NLGN2: variants seen among roughly 807,000 people sequenced by gnomAD.
NLGN2 encodes neuroligin-2.
Under a neutral mutation model 48.6 loss-of-function variants are expected in NLGN2, and 11 were observed. The ratio of observed to expected loss-of-function variants is 0.23; its 90% confidence interval spans 0.14 to 0.37. The LOEUF is 0.37. NLGN2 is among the 10% of genes least tolerant of loss of function. The pLI is 1.00. For synonymous variants in NLGN2, 548 were observed against 550.0 expected (o/e 1.00, Z 0.05); for missense variants, 801 against 1,225.2 (o/e 0.65, Z 5.17).
chr17:7,406,118 G>A (rs2150809227), upstream of NLGN2, among the ~76,000 whole-genome samples: 1 of 152,248 alleles, frequency 6.6e-6, no homozygotes, highest in South Asian at 2.1e-4. Flanking sequence ...TTTGGAGAGA[G>A]AGAAAGAAAT....
Position 7,408,210 on chromosome 17 carries a change from CGA to C in NLGN2, c.-44_-43del. On this transcript the variant is annotated 5_prime_UTR_variant, in exon 1 of 7. Coordinates refer to ENST00000302926, the MANE Select transcript of NLGN2 (RefSeq NM_020795.4). The surrounding 1 kb of genome is among the most constrained non-coding windows in gnomAD (Gnocchi z 7.5). ...CCTCTCCCCCCCTTCTCTCTCTCTC[CGA>C]GGGGGGGGGGTCCCAGGGAGGGAGG... The C allele has an allele frequency of 9.2e-6, 10 of 1,084,154 alleles. No homozygotes were observed. In the South Asian group the frequency reaches 9.7e-5, roughly 11 times the overall value. The allele number at this position is 1,084,154 out of a possible 1,614,324, so 67.2% of individuals were successfully genotyped here. A position where few individuals can be genotyped will look rare whatever the true frequency, so the allele number is the denominator to read the frequency against.
chr17:7,408,211 G>GC lies in NLGN2; in HGVS notation c.-45_-44insC. On this transcript the variant is annotated 5_prime_UTR_variant, in exon 1 of 7. Transcript: ENST00000302926. This position sits in a 1 kb window ranked among gnomAD's most constrained non-coding sequence, Gnocchi z 7.5. ...CTCTCCCCCCCTTCTCTCTCTCTCCGAGGGGGGGGGGTCCCAGGGAGGGAG... is the reference window on the plus strand; with the variant it reads ...CTCTCCCCCCCTTCTCTCTCTCTCCGCAGGGGGGGGGGTCCCAGGGAGGGAG... The GC allele has an allele frequency of 9.2e-7, 1 of 1,087,580 alleles. No individual in the cohort carries two copies. The allele number at this position is 1,087,580 out of a possible 1,614,324, so 67.4% of individuals were successfully genotyped here. A position where few individuals can be genotyped will look rare whatever the true frequency, so the allele number is the denominator to read the frequency against.
At chr17:7,416,536 G>A (rs1375600066) in intron 6 of NLGN2, among the ~76,000 whole-genome samples, 1 of 151,994 alleles carries the variant, frequency 6.6e-6, no homozygotes, top group African/African-American at 2.4e-5. Flanking sequence ...CTTACTTTTC[G>A]CTTTCTCTGG....
At chr17:7,415,435 G>A in intron 5 of NLGN2, 76 bp from the exon 6 acceptor site, 1 of 1,323,394 alleles carries the variant, frequency 7.6e-7, no homozygotes, top group Admixed American at 1.7e-5. Flanking sequence ...GGAAGCATCT[G>A]CGTGTGGGCT....
intron 1 of NLGN2, among the ~76,000 whole-genome samples, chr17:7,410,581 T>G (rs1344656482): frequency 6.6e-6 from 1 of 151,982 alleles, no homozygotes; most frequent in East Asian, 1.9e-4. Context: ...CAGGGCCCCC[T>G]CATGGGTGCT....
At chr17:7,406,421 C>T (rs1452961836), upstream of NLGN2, among the ~76,000 whole-genome samples, 2 of 152,002 alleles carry the variant, frequency 1.3e-5, no homozygotes, top group Admixed American at 6.5e-5. Flanking sequence ...CCCAGTCTGG[C>T]ACAGGAAAAG....
chr17:7,408,044 T>A lies in NLGN2; in HGVS notation c.-212T>A. The A allele has an allele frequency of 2.9e-6, 1 of 347,620 alleles. No individual in the cohort carries two copies. The highest frequency in any genetic ancestry group is 5.1e-6 in the Non-Finnish European group (1 of 194,804). 21.5% of individuals were successfully genotyped at this position (347,620 alleles called of 1,614,324 possible). On this transcript the variant is annotated 5_prime_UTR_variant, in exon 1 of 7. Transcript: ENST00000302926. This position sits in a 1 kb window ranked among gnomAD's most constrained non-coding sequence, Gnocchi z 7.5. ...CTGCCTTCACCTTCTCCCATTTCCT[T>A]CCCCTTCCCCACCCCGTGCCCCCTC...
chr17:7,411,575 C>T lies in NLGN2; in HGVS notation c.458-582C>T, dbSNP rs1452608799. Among the ~76,000 whole-genome samples, 5 of 152,186 alleles carry T rather than the reference C, an allele frequency of 3.3e-5. No homozygotes were observed. Among genetic ancestry groups the T allele is most frequent in the African/African-American group, 1.2e-4 (5 of 41,446 alleles). Reference sequence around the variant, plus strand: ...GCTGAGCTGTGGGGCAGGCTGCCCCCCAACCCTGTCCTGCTCGCTGCCCTG... The same window carrying T: ...GCTGAGCTGTGGGGCAGGCTGCCCCTCAACCCTGTCCTGCTCGCTGCCCTG... On this transcript the variant is annotated intron_variant, in intron 1 of 6. Transcript: ENST00000302926. This position sits in a 1 kb window ranked among gnomAD's most constrained non-coding sequence, Gnocchi z 4.5.
rs747224766 is a variant in NLGN2, at chr17:7,414,934, TGAG to T, written c.845-20_845-18del. On this transcript the variant is annotated intron_variant, in intron 4 of 6. Transcript: ENST00000302926. ...TCAGGCCGGTACTCACAGCCTGGCC[TGAG>T]GTCTGCCTGTCCCGCCAGGGCTGTT... 1 of 1,613,038 alleles carries T rather than the reference TGAG, an allele frequency of 6.2e-7. No individual in the cohort carries two copies. Among genetic ancestry groups the T allele is most frequent in the African/African-American group, 1.3e-5 (1 of 74,932 alleles).
chr17:7,412,179 C>T lies in NLGN2; in HGVS notation c.480C>T (p.Asp160=), dbSNP rs780238996. ...TAGGTCCGCTCACAAAAAAACGTGA[C>T]GAGGCGACGCTCAATCCGCCAGACA... is the stretch of plus-strand genomic sequence containing the variant. ...TEDGPLTKKR[D]EATLNPPDTD... The change falls in exon 2 of 7, where the codon GAC becomes GAT. Residue 160 remains aspartate (D), a synonymous_variant. Transcript: ENST00000302926. 1.9e-5 allele frequency: 31 copies of T among 1,601,790 alleles called. No individual in the cohort carries two copies. The highest frequency in any genetic ancestry group is 6.7e-5 in the Admixed American group (4 of 59,320).
rs753120334 is a variant in NLGN2 at position 7,414,432 on chromosome 17, A to G, written c.597A>G (p.Ser199=). 1 of 1,614,170 alleles carries G rather than the reference A, an allele frequency of 6.2e-7. No individual in the cohort carries two copies. Among genetic ancestry groups the G allele is most frequent in the Non-Finnish European group, 8.5e-7 (1 of 1,180,018 alleles). The change falls in exon 3 of 7, where the codon TCA becomes TCG. Residue 199 remains serine, a synonymous_variant. Coordinates refer to ENST00000302926, the MANE Select transcript of NLGN2 (RefSeq NM_020795.4). ...GGACCGGAAACATGTTCGATGGCTC[A>G]GTCCTGGCTGCCTATGGCAACGTCA... The part of the protein sequence containing the change: ...MEGTGNMFDG[S]VLAAYGNVIV...
rs1444430416 is a variant in NLGN2, at chr17:7,419,381, A to G, written c.*1582A>G. ...AAAAGAATGATGTCTGGAAGGGCTT[A>G]AGGGACACAGTGGACGAGGGGAGAG... On this transcript the variant is annotated 3_prime_UTR_variant, in exon 7 of 7. Coordinates refer to ENST00000302926, the MANE Select transcript of NLGN2 (RefSeq NM_020795.4). The G allele has an allele frequency of 6.5e-6, 1 of 152,708 alleles. No individual in the cohort carries two copies. The highest frequency in any genetic ancestry group is 1.5e-5 in the Non-Finnish European group (1 of 68,134). The allele number at this position is 152,708 out of a possible 1,614,324, so 9.5% of individuals were successfully genotyped here. A position where few individuals can be genotyped will look rare whatever the true frequency, so the allele number is the denominator to read the frequency against.
chr17:7,411,220 G>A lies in NLGN2; in HGVS notation c.458-937G>A, dbSNP rs932041242. Among the ~76,000 whole-genome samples, 1 of 152,224 alleles carries A rather than the reference G, an allele frequency of 6.6e-6. No homozygotes were observed. The highest frequency in any genetic ancestry group is 2.4e-5 in the African/African-American group (1 of 41,454). ...TATCTGTGGACTGAACCACCCGCTC[G>A]GCCGTTGGGGAAGGGGTGCTTTTTG... is the stretch of plus-strand genomic sequence containing the variant. On this transcript the variant is annotated intron_variant, in intron 1 of 6. Transcript: ENST00000302926. The surrounding 1 kb of genome is among the most constrained non-coding windows in gnomAD (Gnocchi z 4.5).
chr17:7,414,983 G>T lies in NLGN2; in HGVS notation c.872G>T (p.Ser291Ile). 6.2e-7 allele frequency: 1 copy of T among 1,612,438 alleles called. No homozygotes were observed. Among genetic ancestry groups the T allele is most frequent in the South Asian group, 1.1e-5 (1 of 91,086 alleles). ...EGLFQKAIAQ[S>I]GTAISSWSVN... Reference sequence around the variant, plus strand: ...CTGTTCCAGAAGGCCATCGCCCAGAGTGGCACCGCCATTTCCAGCTGGTCT... The same window carrying T: ...CTGTTCCAGAAGGCCATCGCCCAGATTGGCACCGCCATTTCCAGCTGGTCT... The change falls in exon 5 of 7, where the codon AGT becomes ATT. Residue 291 changes from serine to isoleucine, a missense_variant. Ser to Ile is a moderately radical substitution (Grantham distance 142). Around this residue, in one of 5 missense-constraint regions of NLGN2, gnomAD observed 303 missense variants for 600.1 expected, o/e 0.50. Transcript: ENST00000302926.
At chr17:7,410,506 C>T (rs1432384768) in intron 1 of NLGN2, among the ~76,000 whole-genome samples, 1 of 152,020 alleles carries the variant, frequency 6.6e-6, no homozygotes, top group African/African-American at 2.4e-5. Context: ...AGTCCTTCAC[C>T]TCAGCACCTC....
Position 7,413,325 on chromosome 17 carries a change from G to A in NLGN2, c.509-1019G>A, listed in dbSNP as rs1906974375. Among the ~76,000 whole-genome samples, 1 of 152,206 alleles carries A rather than the reference G, an allele frequency of 6.6e-6. No homozygotes were observed. Among genetic ancestry groups the A allele is most frequent in the Non-Finnish European group, 1.5e-5 (1 of 68,038 alleles). Reference sequence around the variant, plus strand: ...GGGATGTTTCTACCAGGATGAGGGAGGTGGGCAGAGATGCTGGGGACCAGC... The same window carrying A: ...GGGATGTTTCTACCAGGATGAGGGAAGTGGGCAGAGATGCTGGGGACCAGC... On this transcript the variant is annotated intron_variant, in intron 2 of 6. Coordinates refer to ENST00000302926, the MANE Select transcript of NLGN2 (RefSeq NM_020795.4). This position sits in a 1 kb window ranked among gnomAD's most constrained non-coding sequence, Gnocchi z 4.9.
intron 6 of NLGN2, 59 bp from the exon 7 acceptor site, chr17:7,416,867 C>T: frequency 6.3e-7 from 1 of 1,596,120 alleles, no homozygotes; most frequent in Middle Eastern, 1.7e-4. Context: ...CCACTGCCAT[C>T]CACCCTCCTT....
At position 7,417,765 on chromosome 17, in the gene NLGN2, C is replaced by CGCTA; in HGVS notation, c.2475_2478dup (p.Pro827AlafsTer172). Reference sequence around the variant, plus strand: ...CCCACCGCCACCAGCCACAACAACACGCTACCCCACCCCCACTCCACCACT... The same window carrying CGCTA: ...CCCACCGCCACCAGCCACAACAACACGCTAGCTACCCCACCCCCACTCCACCACT... On this transcript the variant is annotated frameshift_variant, in exon 7 of 7. Coordinates refer to ENST00000302926, the MANE Select transcript of NLGN2 (RefSeq NM_020795.4). LOFTEE classifies it high-confidence loss of function. 1 of 1,327,562 alleles carries CGCTA rather than the reference C, an allele frequency of 7.5e-7. No homozygotes were observed. Among genetic ancestry groups the CGCTA allele is most frequent in the Non-Finnish European group, 9.8e-7 (1 of 1,021,274 alleles). 82.2% of individuals were successfully genotyped at this position (1,327,562 alleles called of 1,614,324 possible). A position where few individuals can be genotyped will look rare whatever the true frequency, so the allele number is the denominator to read the frequency against.
rs576227536 is a variant in NLGN2 at position 7,411,256 on chromosome 17, A to T, written c.458-901A>T. 3.7e-4 allele frequency among the ~76,000 whole-genome samples: 57 copies of T among 152,126 alleles called. No homozygotes were observed. The highest frequency in any genetic ancestry group is 5.3e-4 in the Non-Finnish European group (36 of 68,000). On this transcript the variant is annotated intron_variant, in intron 1 of 6. Coordinates refer to ENST00000302926, the MANE Select transcript of NLGN2 (RefSeq NM_020795.4). This position sits in a 1 kb window ranked among gnomAD's most constrained non-coding sequence, Gnocchi z 4.5. ...AAGGGGTGCTTTTTGGCAGTGGAGCAGGGGCAGGGGAGGCAGCGGCTGGTG... is the reference window on the plus strand; with the variant it reads ...AAGGGGTGCTTTTTGGCAGTGGAGCTGGGGCAGGGGAGGCAGCGGCTGGTG...
Sources: allele counts gnomAD v4.1 joint callset (sites outside exome capture counted in the v4.1 genomes callset), GRCh38; gene constraint gnomAD v4.1.1; regional missense constraint gnomAD v4.1.1; non-coding constraint Gnocchi (gnomAD v3.1); transcripts MANE v1.5; gene names NCBI Gene and HGNC (gene_info 2026-07-23, HGNC 2026-07-21).